CNOT10: variants seen among roughly 807,000 people sequenced by gnomAD.
The protein encoded by CNOT10 is CCR4-NOT transcription complex subunit 10, also known as CCR4-NOT transcription complex, subunit 10.
Under a neutral mutation model 94.6 loss-of-function variants are expected in CNOT10, and 30 were observed. That is an observed-to-expected ratio of 0.32 (90% CI 0.24 to 0.43). CNOT10 has a LOEUF of 0.43. CNOT10 is among the 20% of genes least tolerant of loss of function. The probability of loss-of-function intolerance (pLI) is 1.00; values close to 1 mark genes in which losing one functional copy is unlikely to be tolerated. For synonymous variants in CNOT10, 289 were observed against 301.6 expected (o/e 0.96, Z 0.43); for missense variants, 759 against 877.2 (o/e 0.87, Z 1.70).
chr3:32,715,904 C>T, intron 5 of CNOT10: 1 of 190,648 alleles, frequency 5.2e-6, no homozygotes, highest in South Asian at 1.3e-4. Flanking sequence ...CTCCTGGGCT[C>T]AGGCAGTCTT....
intron 7 of CNOT10, among the ~76,000 whole-genome samples, chr3:32,719,683 A>G (rs1271421401): frequency 6.6e-6 from 1 of 152,134 alleles, no homozygotes; most frequent in South Asian, 2.1e-4. Flanking sequence ...TTGGAAAAGT[A>G]TTTGATTATT....
chr3:32,713,415 TTCTC>T (rs1284661113), intron 5 of CNOT10, 46 bp downstream of exon 5: 1 of 1,430,846 alleles, frequency 7.0e-7, no homozygotes, highest in Non-Finnish European at 9.5e-7. Flanking sequence ...ATGTGATTAA[TTCTC>T]TCTACTTGTT....
chr3:32,761,673 A>G (rs1700452222), intron 14 of CNOT10, among the ~76,000 whole-genome samples: 1 of 151,358 alleles, frequency 6.6e-6, no homozygotes, highest in African/African-American at 2.4e-5. Flanking sequence ...CTCCTGCCTC[A>G]GCCTCCTGCG....
chr3:32,726,949 C>T (rs1354072614), intron 9 of CNOT10, among the ~76,000 whole-genome samples: 1 of 146,786 alleles, frequency 6.8e-6, no homozygotes, highest in Non-Finnish European at 1.5e-5. Flanking sequence ...CAGGTTCAAG[C>T]AATTTTCCTG....
chr3:32,715,662 G>GCA (rs892835180), intron 5 of CNOT10, among the ~76,000 whole-genome samples: 5 of 152,126 alleles, frequency 3.3e-5, no homozygotes, highest in Non-Finnish European at 5.9e-5. Flanking sequence ...CCACAGTGGA[G>GCA]ACCCCCGTCT....
At chr3:32,726,293 T>C (rs1698661999) in intron 9 of CNOT10, among the ~76,000 whole-genome samples, 1 of 152,176 alleles carries the variant, frequency 6.6e-6, no homozygotes, top group Non-Finnish European at 1.5e-5. Flanking sequence ...TGGCAGCATC[T>C]GACGGTCTTT....
At position 32,749,147 on chromosome 3, in the gene CNOT10, C is replaced by A. The variant is rs372537659; in HGVS notation, c.1596-10311C>A. On this transcript the variant is annotated intron_variant, in intron 13 of 18. Coordinates refer to ENST00000328834, the MANE Select transcript of CNOT10 (RefSeq NM_015442.3). ...AAGAGTTCTTTATATGTCCTAGATA[C>A]AACTATCAGATATATGACTTGTAGT... Among the ~76,000 whole-genome samples, 39 of 152,184 alleles carry A rather than the reference C, an allele frequency of 2.6e-4. 1 individual carries two copies. In the South Asian group the frequency reaches 7.9e-3, roughly 31 times the overall value.
Position 32,713,242 on chromosome 3 carries a change from A to G in CNOT10, c.446A>G (p.Gln149Arg). The change falls in exon 5 of 19, where the codon CAA (glutamine) becomes CGA (arginine). Residue 149 changes from glutamine to arginine, a missense_variant. Gln to Arg is a conservative substitution (Grantham distance 43). Transcript: ENST00000328834. ...FIEPFEEKFA[Q>R]AVCFLLVDLY... ...TTTCTCCCAGAAGAAAAATTTGCCC[A>G]AGCAGTGTGTTTTTTGCTTGTAGAC... 1.3e-6 allele frequency: 2 copies of G among 1,573,474 alleles called. No individual in the cohort carries two copies. Among genetic ancestry groups the G allele is most frequent in the Non-Finnish European group, 1.7e-6 (2 of 1,168,884 alleles).
chr3:32,690,260 T>G (rs1280508138), intron 1 of CNOT10, among the ~76,000 whole-genome samples: 5 of 152,220 alleles, frequency 3.3e-5, no homozygotes, highest in Non-Finnish European at 7.3e-5. Flanking sequence ...TGGGCAAATT[T>G]CAAGAAGTCT....
intron 9 of CNOT10, 120 bp from the exon 10 acceptor site, chr3:32,727,548 T>A (rs1698733886): frequency 2.9e-6 from 2 of 681,112 alleles, no homozygotes; most frequent in South Asian, 3.4e-5. Context: ...CTATTAAAAC[T>A]CAGATCAGGA....
chr3:32,723,471 A>G (rs1023782016), intron 8 of CNOT10, among the ~76,000 whole-genome samples: 1 of 152,192 alleles, frequency 6.6e-6, no homozygotes, highest in African/African-American at 2.4e-5. Context: ...GAGATGAAGG[A>G]TTAACATTTA....
At chr3:32,732,702 A>G (rs1285740762) in intron 10 of CNOT10, among the ~76,000 whole-genome samples, 2 of 152,178 alleles carry the variant, frequency 1.3e-5, no homozygotes, top group East Asian at 3.8e-4. Context: ...TAGCTTCCCA[A>G]AGGGCTGGGA....
chr3:32,695,584 T>C, intron 1 of CNOT10: 1 of 1,531,448 alleles, frequency 6.5e-7, no homozygotes. Flanking sequence ...GTGCATTTCT[T>C]TTCTGCTTAG....
intron 1 of CNOT10, chr3:32,695,968 A>AGTGTGTGTGTGTGTGTGTGT (rs764702440): frequency 7.5e-6 from 3 of 401,424 alleles, no homozygotes; most frequent in African/African-American, 2.5e-5. Flanking sequence ...TGTTGAAGAG[A>AGTGTGTGTGTGTGTGTGTGT]GTGTGTGTGT....
At chr3:32,746,836 CAAAAAAA>C (rs71630540) in intron 13 of CNOT10, among the ~76,000 whole-genome samples, 2 of 84,160 alleles carry the variant, frequency 2.4e-5, no homozygotes, top group Non-Finnish European at 2.3e-5. Flanking sequence ...GACTCCGTCT[CAAAAAAA>C]AAAAAAAAAA....
chr3:32,714,641 G>A (rs111453256), intron 5 of CNOT10, among the ~76,000 whole-genome samples: 7,025 of 152,172 alleles, frequency 0.046, 208 homozygotes, highest in Middle Eastern at 0.082. Context: ...ACTGGGAGGC[G>A]GAGATTGCAG....
chr3:32,768,161 A>G (rs1700730484), intron 17 of CNOT10, among the ~76,000 whole-genome samples: 1 of 152,218 alleles, frequency 6.6e-6, no homozygotes, highest in African/African-American at 2.4e-5. Flanking sequence ...GCAAAATGCC[A>G]TTAAGTATCA....
intron 1 of CNOT10, among the ~76,000 whole-genome samples, chr3:32,689,161 T>C (rs1696749941): frequency 6.6e-6 from 1 of 152,092 alleles, no homozygotes; most frequent in South Asian, 2.1e-4. Flanking sequence ...GAGACCAGGC[T>C]GGCCAACATG....
intron 13 of CNOT10, among the ~76,000 whole-genome samples, chr3:32,750,327 T>C (rs1699908105): frequency 6.6e-6 from 1 of 151,990 alleles, no homozygotes; most frequent in Non-Finnish European, 1.5e-5. Flanking sequence ...AAACCCCATC[T>C]CTACTAAAAA....
Sources: allele counts gnomAD v4.1 joint callset (sites outside exome capture counted in the v4.1 genomes callset), GRCh38; gene constraint gnomAD v4.1.1; transcripts MANE v1.5; gene names NCBI Gene and HGNC (gene_info 2026-07-23, HGNC 2026-07-21).